Variants in KLRG1 observed in about 807,000 individuals in gnomAD.
KLRG1 encodes killer cell lectin-like receptor subfamily G member 1.
Under a neutral mutation model 21.8 loss-of-function variants are expected in KLRG1, and 16 were observed. That is an observed-to-expected ratio of 0.73 (90% CI 0.50 to 1.11). KLRG1 has a LOEUF of 1.11. KLRG1 is among the 50% of genes most tolerant of loss of function. The probability of loss-of-function intolerance (pLI) is 0.00; values close to 1 mark genes in which losing one functional copy is unlikely to be tolerated. For missense variants in KLRG1, 173 were observed against 218.3 expected (o/e 0.79, Z 1.31); for synonymous variants, 69 against 75.9 (o/e 0.91, Z 0.47).
chr12:8,956,508 G>C (rs987815213), intron 1 of KLRG1, among the ~76,000 whole-genome samples: 1 of 152,032 alleles, frequency 6.6e-6, no homozygotes, highest in Non-Finnish European at 1.5e-5. Flanking sequence ...GCAGTGGTGT[G>C]ATCTTGGCTC....
the KLRG1 span, among the ~76,000 whole-genome samples, chr12:9,065,558 G>T: frequency 3.6e-3 from 545 of 152,320 alleles, 4 homozygotes; most frequent in African/African-American, 0.012. Context: ...ACCAACAAGC[G>T]TGGGAGGGAG....
At chr12:8,978,389 T>C (rs979910567) in intron 1 of KLRG1, among the ~76,000 whole-genome samples, 1 of 152,230 alleles carries the variant, frequency 6.6e-6, no homozygotes, top group Non-Finnish European at 1.5e-5. Context: ...ATTCTCACTA[T>C]GTTGCCCAGA....
chr12:9,151,644 G>T, the KLRG1 span: 1 of 1,613,928 alleles, frequency 6.2e-7, no homozygotes, highest in Non-Finnish European at 8.5e-7. Flanking sequence ...GCTCACTTCT[G>T]TCCGGCTCAC....
At chr12:9,152,822 A>G in the KLRG1 span, 4 of 1,613,918 alleles carry the variant, frequency 2.5e-6, no homozygotes, top group Admixed American at 1.7e-5. Flanking sequence ...AGAACGTCTT[A>G]CCTGATGGTC....
At chr12:9,095,719 CA>C in the KLRG1 span, 1 of 576,660 alleles carries the variant, frequency 1.7e-6, no homozygotes, top group Non-Finnish European at 2.8e-6. Flanking sequence ...ATACGAAAGA[CA>C]AAAAGGCAAA....
At chr12:9,109,612 T>C in the KLRG1 span, among the ~76,000 whole-genome samples, 2 of 152,362 alleles carry the variant, frequency 1.3e-5, no homozygotes, top group South Asian at 2.1e-4. Flanking sequence ...TAATTAATTA[T>C]GGAAAACTCC....
chr12:8,991,157 T>C (rs2137330620), intron 1 of KLRG1, among the ~76,000 whole-genome samples: 1 of 152,322 alleles, frequency 6.6e-6, no homozygotes, highest in Non-Finnish European at 1.5e-5. Flanking sequence ...AGAAGTTAAA[T>C]ATCATCTTAC....
At chr12:9,191,218 T>A in the KLRG1 span, among the ~76,000 whole-genome samples, 1 of 152,084 alleles carries the variant, frequency 6.6e-6, no homozygotes, top group African/African-American at 2.4e-5. Context: ...ATCAAATAAA[T>A]GTTTTAAAAC....
At chr12:9,180,775 G>T in the KLRG1 span, among the ~76,000 whole-genome samples, 6 of 152,216 alleles carry the variant, frequency 3.9e-5, 1 homozygote, top group African/African-American at 1.4e-4. Flanking sequence ...AAAAGCAATG[G>T]CAACAAAAGA....
upstream of KLRG1, among the ~76,000 whole-genome samples, chr12:8,986,964 A>G (rs1183301691): frequency 6.6e-6 from 1 of 152,140 alleles, no homozygotes; most frequent in South Asian, 2.1e-4. Flanking sequence ...GCCTTCCACC[A>G]TGACTAAGTT....
chr12:9,084,869 C>G, the KLRG1 span, among the ~76,000 whole-genome samples: 1 of 151,922 alleles, frequency 6.6e-6, no homozygotes, highest in African/African-American at 2.4e-5. Context: ...TAAAAGAGAG[C>G]AGGGGTAGCT....
chr12:8,993,727 A>G (rs1426535649), intron 2 of KLRG1, among the ~76,000 whole-genome samples: 2 of 152,156 alleles, frequency 1.3e-5, no homozygotes, highest in African/African-American at 4.8e-5. Context: ...GGAAAAAGCA[A>G]AATCTATAAG....
the KLRG1 span, chr12:9,166,097 C>A: frequency 6.2e-7 from 1 of 1,612,574 alleles, no homozygotes. Context: ...AAAATAGCTT[C>A]GCACCGTTTC....
chr12:9,163,296 CAAAA>C, the KLRG1 span, among the ~76,000 whole-genome samples: 34,393 of 134,454 alleles, frequency 0.26, 4,527 homozygotes, highest in Admixed American at 0.36. Context: ...ACTAAAAATA[CAAAA>C]AAAAAAAAAA....
At chr12:9,080,212 A>G in the KLRG1 span, 1 of 1,390,672 alleles carries the variant, frequency 7.2e-7, no homozygotes, top group Non-Finnish European at 1.0e-6. Flanking sequence ...TATGAAAATT[A>G]TTTCTGCATT....
the KLRG1 span, among the ~76,000 whole-genome samples, chr12:9,099,793 C>G: frequency 6.6e-6 from 1 of 152,178 alleles, no homozygotes; most frequent in Admixed American, 6.5e-5. Context: ...ACCATTTGAT[C>G]TAGGCCTCAT....
At chr12:8,952,157 C>T (rs1470340913) in intron 1 of KLRG1, among the ~76,000 whole-genome samples, 1 of 152,208 alleles carries the variant, frequency 6.6e-6, no homozygotes, top group African/African-American at 2.4e-5. Context: ...CACAATAAAC[C>T]TACACCCACA....
chr12:9,163,891 G>T, the KLRG1 span: 1 of 1,407,688 alleles, frequency 7.1e-7, no homozygotes, highest in Non-Finnish European at 9.5e-7. Context: ...AGAAAATAAG[G>T]CTAAAAAAAA....
At chr12:8,964,701 T>C (rs1438800547) in intron 1 of KLRG1, among the ~76,000 whole-genome samples, 1 of 151,066 alleles carries the variant, frequency 6.6e-6, no homozygotes, top group Non-Finnish European at 1.5e-5. Context: ...AAGGACTTGC[T>C]TTATGAATCT....
Sources: allele counts gnomAD v4.1 joint callset (sites outside exome capture counted in the v4.1 genomes callset), GRCh38; gene constraint gnomAD v4.1.1; transcripts MANE v1.5; gene names NCBI Gene and HGNC (gene_info 2026-07-23, HGNC 2026-07-21).